The following TMEM68 variants were observed in gnomAD, a reference collection of about 807,000 sequenced individuals.
TMEM68 encodes the protein DGAT1/2-independent enzyme synthesizing storage lipids.
TMEM68 carries 25 observed loss-of-function variants against 36.9 expected under a neutral mutation model. That is an observed-to-expected ratio of 0.68 (90% CI 0.49 to 0.95). The LOEUF (loss-of-function observed/expected upper bound fraction) is 0.95. TMEM68 is among the 40% of genes least tolerant of loss of function. The pLI is 0.00. For missense variants in TMEM68, 333 were observed against 392.0 expected, an observed-to-expected ratio of 0.85 and a Z score of 1.27; for synonymous variants, 131 against 124.4, an observed-to-expected ratio of 1.05 and a Z score of -0.35.
chr8:55,754,652 A>G (rs1487751087), intron 4 of TMEM68, among the ~76,000 whole-genome samples: 5 of 133,050 alleles, frequency 3.8e-5, no homozygotes, highest in African/African-American at 5.7e-5. Context: ...ATATATTTAT[A>G]TTATATATAA....
At chr8:55,759,571 C>T (rs1810719662) in intron 3 of TMEM68, among the ~76,000 whole-genome samples, 1 of 150,978 alleles carries the variant, frequency 6.6e-6, no homozygotes, top group Non-Finnish European at 1.5e-5. Context: ...GACTCTGTCT[C>T]AAAAATAAAT....
At chr8:55,754,805 T>TA (rs1384337786) in intron 4 of TMEM68, among the ~76,000 whole-genome samples, 1 of 130,982 alleles carries the variant, frequency 7.6e-6, no homozygotes, top group African/African-American at 2.8e-5. Flanking sequence ...ATATATAATA[T>TA]ATATTTATAT....
In TMEM68 at chr8:55,750,994, G is replaced by A; in HGVS notation, c.657C>T (p.Gly219=). The A allele has an allele frequency of 6.2e-7, 1 of 1,611,912 alleles. No homozygotes were observed. Among genetic ancestry groups the A allele is most frequent in the Non-Finnish European group, 8.5e-7 (1 of 1,179,558 alleles). ...TTGCATCAATTGCAACCTGAGCAAAGCCTCTGCGATGACCCCATACGATGT... is the reference window on the plus strand; with the variant it reads ...TTGCATCAATTGCAACCTGAGCAAAACCTCTGCGATGACCCCATACGATGT... ...TYNIVWGHRR[G]FAQVAIDAKV... Residue 219 remains glycine, a synonymous_variant, in exon 5 of 8, where the codon GGC becomes GGT. Coordinates refer to ENST00000434581, the MANE Select transcript of TMEM68 (RefSeq NM_001286657.2).
intron 3 of TMEM68, among the ~76,000 whole-genome samples, chr8:55,758,487 A>G (rs187620185): frequency 2.4e-4 from 36 of 152,370 alleles, no homozygotes; most frequent in Non-Finnish European, 2.4e-4. Flanking sequence ...TGTTGAAACT[A>G]TCAGATGGAA....
chr8:55,769,322 CAAAAA>C (rs56065552), intron 1 of TMEM68, among the ~76,000 whole-genome samples: 17 of 71,602 alleles, frequency 2.4e-4, no homozygotes, highest in South Asian at 2.1e-3. Flanking sequence ...AATCCCATCT[CAAAAA>C]AAAAAAAAAA....
rs116854701 is a variant in TMEM68 at position 55,745,188 on chromosome 8, A to C, written c.688-67T>G. On this transcript the variant is annotated intron_variant, in intron 5 of 7. Coordinates refer to ENST00000434581, the MANE Select transcript of TMEM68 (RefSeq NM_001286657.2). ...ATCCATTCAATGTCTCCATTAGAGT[A>C]ACTAATGCAAACTTTTTTTTTTTAA... 3,026 of 1,038,796 alleles carry C rather than the reference A, an allele frequency of 2.9e-3. 9 individuals are homozygous for C. The highest frequency in any genetic ancestry group is 3.8e-3 in the Non-Finnish European group (2,859 of 760,938). 64.3% of individuals were successfully genotyped at this position (1,038,796 alleles called of 1,614,324 possible).
chr8:55,771,023 C>T (rs541537782), intron 1 of TMEM68, among the ~76,000 whole-genome samples: 13 of 152,108 alleles, frequency 8.5e-5, no homozygotes, highest in African/African-American at 2.4e-4. Context: ...GGTGTGGTGG[C>T]GCATGCCTGT....
intron 1 of TMEM68, among the ~76,000 whole-genome samples, chr8:55,771,140 A>G (rs1002993746): frequency 1.3e-5 from 2 of 150,636 alleles, no homozygotes; most frequent in Non-Finnish European, 3.0e-5. Flanking sequence ...GGCAACAAAA[A>G]TGAATCTCCG....
At chr8:55,769,869 G>C (rs570972433) in intron 1 of TMEM68, among the ~76,000 whole-genome samples, 144 of 152,296 alleles carry the variant, frequency 9.5e-4, no homozygotes, top group Admixed American at 3.5e-3. Flanking sequence ...CTGGCCTCAA[G>C]TGATCCGCCC....
Position 55,740,155 on chromosome 8 carries a change from C to A in TMEM68, c.952G>T (p.Ala318Ser), listed in dbSNP as rs1220918209. Residue 318 changes from alanine (A) to serine (S), a missense_variant, in exon 8 of 8, where the codon GCT (alanine) becomes TCT (serine). Ala to Ser is a moderately conservative substitution (Grantham distance 99, BLOSUM62 1). Coordinates refer to ENST00000434581, the MANE Select transcript of TMEM68 (RefSeq NM_001286657.2). ...HQRIPGNIMS[A>S]LLERFH ...TATCAATGAAAACGTTCTAACAAAGCACTCATAATGTTTCCTGGTATTCTT... is the reference window on the plus strand; with the variant it reads ...TATCAATGAAAACGTTCTAACAAAGAACTCATAATGTTTCCTGGTATTCTT... 1.9e-6 allele frequency: 3 copies of A among 1,613,050 alleles called. No homozygotes were observed. The highest frequency in any genetic ancestry group is 2.5e-6 in the Non-Finnish European group (3 of 1,179,760).
chr8:55,747,180 A>G (rs1384019075), intron 5 of TMEM68: 3 of 152,158 alleles, frequency 2.0e-5, no homozygotes, highest in African/African-American at 7.2e-5. Flanking sequence ...CCTGGCCAAC[A>G]TGGTGAACCC....
intron 1 of TMEM68, among the ~76,000 whole-genome samples, chr8:55,765,455 AG>A (rs1810935737): frequency 6.6e-6 from 1 of 152,226 alleles, no homozygotes; most frequent in Non-Finnish European, 1.5e-5. Flanking sequence ...CTATAAAACT[AG>A]GATAATAATC....
chr8:55,758,185 A>C (rs906773937), intron 3 of TMEM68, among the ~76,000 whole-genome samples: 1 of 152,232 alleles, frequency 6.6e-6, no homozygotes, highest in Admixed American at 6.5e-5. Flanking sequence ...CACTATGCAC[A>C]AGATAACAGT....
intron 6 of TMEM68, among the ~76,000 whole-genome samples, chr8:55,744,299 ATT>A (rs758170217): frequency 5.2e-5 from 1 of 19,178 alleles, no homozygotes; most frequent in Non-Finnish European, 9.7e-5. Flanking sequence ...GACAGACTAA[ATT>A]TTTTTTTTTT....
At chr8:55,749,737 T>C (rs1810378841) in intron 5 of TMEM68, among the ~76,000 whole-genome samples, 1 of 152,212 alleles carries the variant, frequency 6.6e-6, no homozygotes, top group Non-Finnish European at 1.5e-5. Context: ...GAGTATAAGA[T>C]AAAGTGTTTA....
intron 2 of TMEM68, chr8:55,763,274 G>A (rs1178718368): frequency 5.3e-6 from 1 of 187,576 alleles, no homozygotes; most frequent in Non-Finnish European, 1.1e-5. Context: ...CTATAATTAA[G>A]AGAAGAAAAT....
At chr8:55,760,160 G>A (rs899491487) in intron 3 of TMEM68, among the ~76,000 whole-genome samples, 4 of 152,264 alleles carry the variant, frequency 2.6e-5, no homozygotes, top group Non-Finnish European at 5.9e-5. Context: ...CAGCAACGCT[G>A]TGCTGTTGGC....
intron 3 of TMEM68, among the ~76,000 whole-genome samples, chr8:55,760,043 C>T (rs535930298): frequency 3.9e-4 from 59 of 152,376 alleles, no homozygotes; most frequent in African/African-American, 1.4e-3. Context: ...AAGCTTCCTG[C>T]TAACACAGCC....
At chr8:55,741,499 A>C (rs192551152) in intron 7 of TMEM68, among the ~76,000 whole-genome samples, 22 of 152,346 alleles carry the variant, frequency 1.4e-4, no homozygotes, top group Admixed American at 6.5e-4. Flanking sequence ...TCATAACTTA[A>C]AACGAAGAAT....
Sources: allele counts gnomAD v4.1 joint callset (sites outside exome capture counted in the v4.1 genomes callset), GRCh38; gene constraint gnomAD v4.1.1; transcripts MANE v1.5; gene names NCBI Gene and HGNC (gene_info 2026-07-23, HGNC 2026-07-21).